Variants in ATR observed in about 807,000 individuals in gnomAD.
ATR encodes the protein ATR checkpoint kinase.
In ATR, 142 loss-of-function variants were observed where a neutral mutation model predicts 305.3. That is an observed-to-expected ratio of 0.47 (90% confidence interval 0.41 to 0.53). ATR has a LOEUF of 0.53. Among genes scored for constraint, ATR ranks in the 20% least tolerant of loss-of-function variants. ATR has a pLI of 0.00. For synonymous variants in ATR, 1,050 were observed against 1,068.1 expected (o/e 0.98, Z 0.33); for missense variants, 2,135 against 3,133.1 (o/e 0.68, Z 7.60).
intron 41 of ATR, 111 bp downstream of exon 41, chr3:142,464,986 T>C (rs138042303): frequency 1.6e-6 from 1 of 613,486 alleles, no homozygotes; most frequent in East Asian, 3.8e-5. Context: ...TATATCAGAT[T>C]GATAGTAATT....
At chr3:142,494,585 T>C (rs1216529939) in intron 34 of ATR, among the ~76,000 whole-genome samples, 1 of 152,116 alleles carries the variant, frequency 6.6e-6, no homozygotes, top group Non-Finnish European at 1.5e-5. Context: ...TGAGTAGAAA[T>C]CTTCTTGGCA....
intron 23 of ATR, among the ~76,000 whole-genome samples, chr3:142,521,124 TA>T (rs975920536): frequency 3.1e-4 from 47 of 152,096 alleles, no homozygotes; most frequent in African/African-American, 1.0e-3. Flanking sequence ...ACAATAAAAG[TA>T]AAAAAAATTT....
chr3:142,569,298 T>C (rs1244356156), intron 1 of ATR, among the ~76,000 whole-genome samples: 1 of 152,160 alleles, frequency 6.6e-6, no homozygotes, highest in African/African-American at 2.4e-5. Flanking sequence ...ACACGTTATT[T>C]TCTGGGTGTT....
chr3:142,507,444 G>A (rs766873047), intron 28 of ATR, among the ~76,000 whole-genome samples: 5 of 152,088 alleles, frequency 3.3e-5, no homozygotes, highest in Non-Finnish European at 7.3e-5. Flanking sequence ...ACTGCCACAG[G>A]CATTTAGCTA....
chr3:142,536,012 T>C (rs929542984), intron 20 of ATR, 96 bp downstream of exon 20: 1 of 873,434 alleles, frequency 1.1e-6, no homozygotes, highest in Admixed American at 1.9e-5. Flanking sequence ...ATATTATCCC[T>C]AGATATGATC....
chr3:142,460,712 A>G (rs2071007452), intron 42 of ATR, among the ~76,000 whole-genome samples: 1 of 152,154 alleles, frequency 6.6e-6, no homozygotes, highest in African/African-American at 2.4e-5. Context: ...GAAAACATAT[A>G]CTTATTTTCT....
At chr3:142,548,191 C>G (rs2034342275) in intron 15 of ATR, among the ~76,000 whole-genome samples, 4 of 152,110 alleles carry the variant, frequency 2.6e-5, no homozygotes, top group African/African-American at 9.7e-5. Flanking sequence ...ATAATATCAT[C>G]AACTCATTAT....
chr3:142,521,583 A>G (rs1381770529), intron 23 of ATR, among the ~76,000 whole-genome samples: 1 of 152,260 alleles, frequency 6.6e-6, no homozygotes, highest in Non-Finnish European at 1.5e-5. Context: ...AGAAGTCAAA[A>G]TATCTATCAA....
At chr3:142,529,278 C>G (rs555116181) in intron 21 of ATR, among the ~76,000 whole-genome samples, 1 of 151,988 alleles carries the variant, frequency 6.6e-6, no homozygotes, top group South Asian at 2.1e-4. Flanking sequence ...AATACCTACA[C>G]TCCCTCTTTT....
chr3:142,518,393 T>C (rs969974842), intron 24 of ATR, among the ~76,000 whole-genome samples: 1 of 152,176 alleles, frequency 6.6e-6, no homozygotes, highest in African/African-American at 2.4e-5. Context: ...GGTGCACGCC[T>C]GTAATCCCAG....
intron 41 of ATR, among the ~76,000 whole-genome samples, 169 bp downstream of exon 41, chr3:142,464,928 A>G: frequency 6.6e-6 from 1 of 152,164 alleles, no homozygotes. Flanking sequence ...AAGACTTTAT[A>G]TTTCATTCCT....
intron 32 of ATR, among the ~76,000 whole-genome samples, 155 bp downstream of exon 32, chr3:142,498,442 G>C (rs933993615): frequency 2.6e-5 from 4 of 152,284 alleles, no homozygotes; most frequent in African/African-American, 9.6e-5. Context: ...AATTTTAACT[G>C]TAGGGTGATT....
intron 17 of ATR, among the ~76,000 whole-genome samples, chr3:142,542,353 ACTGACT>A (rs1284294955): frequency 6.6e-6 from 1 of 152,172 alleles, no homozygotes; most frequent in Non-Finnish European, 1.5e-5. Flanking sequence ...GAGCCAAAAG[ACTGACT>A]CTGAGAACTT....
chr3:142,494,601 T>A (rs1428455152), intron 34 of ATR, among the ~76,000 whole-genome samples: 1 of 152,134 alleles, frequency 6.6e-6, no homozygotes, highest in African/African-American at 2.4e-5. Flanking sequence ...TGGCAGAGAA[T>A]TTAGTGAAAG....
intron 1 of ATR, 36 bp from the exon 2 acceptor site, chr3:142,568,190 T>C: frequency 6.4e-7 from 1 of 1,554,534 alleles, no homozygotes; most frequent in Non-Finnish European, 8.9e-7. Flanking sequence ...ATCCTTAAAG[T>C]GACTCAGTTT....
In ATR at chr3:142,503,361, C is replaced by T. The variant is rs1315181851; in HGVS notation, c.5288+1G>A. 6.3e-7 allele frequency: 1 copy of T among 1,591,342 alleles called. No homozygotes were observed. Among genetic ancestry groups the T allele is most frequent in the Non-Finnish European group, 8.6e-7 (1 of 1,160,442 alleles). On this transcript the variant is annotated splice_donor_variant, in intron 30 of 46. Transcript: ENST00000350721. LOFTEE classifies it high-confidence loss of function. ...AAGAAAATCATTTTATAAAATATTACCTGTTAGCATGCACTCCATTCACCT... is the reference window on the plus strand; with the variant it reads ...AAGAAAATCATTTTATAAAATATTATCTGTTAGCATGCACTCCATTCACCT...
rs758142762 is a variant in ATR at position 142,553,989 on chromosome 3, A to G, written c.2368T>C (p.Cys790Arg). ...TCTTCTCTAAAATCAAGATGCTTAC[A>G]AAGATGATGTAGATTATCTATGAAA... ...LAFIDNLHHL[C>R]KHLDFREDET... is the part of the protein sequence containing the mutation. The change falls in exon 11 of 47, where the codon TGT becomes CGT. Residue 790 changes from cysteine (C) to arginine (R), a missense_variant. By Grantham distance (180) the Cys-to-Arg change is radical. Around this residue, in one of 9 missense-constraint regions of ATR, gnomAD observed 530 missense variants for 766.8 expected, o/e 0.69. Transcript: ENST00000350721. The G allele has an allele frequency of 6.2e-7, 1 of 1,609,296 alleles. No homozygotes were observed. The highest frequency in any genetic ancestry group is 8.5e-7 in the Non-Finnish European group (1 of 1,177,864).
At chr3:142,491,689 T>C (rs919925893) in intron 35 of ATR, among the ~76,000 whole-genome samples, 2 of 152,232 alleles carry the variant, frequency 1.3e-5, no homozygotes, top group Admixed American at 1.3e-4. Flanking sequence ...TGGCATGACA[T>C]CTTCTTGTAA....
intron 21 of ATR, among the ~76,000 whole-genome samples, chr3:142,527,919 T>G (rs1045050599): frequency 7.9e-5 from 12 of 152,168 alleles, no homozygotes; most frequent in Non-Finnish European, 1.8e-4. Context: ...CAACCATTAA[T>G]CTACTTTCTA....
Sources: allele counts gnomAD v4.1 joint callset (sites outside exome capture counted in the v4.1 genomes callset), GRCh38; gene constraint gnomAD v4.1.1; regional missense constraint gnomAD v4.1.1; transcripts MANE v1.5; gene names NCBI Gene and HGNC (gene_info 2026-07-23, HGNC 2026-07-21).